The following SLIT3 variants were observed in gnomAD, a reference collection of about 807,000 sequenced individuals.
SLIT3 encodes the protein slit guidance ligand 3.
Under a neutral mutation model 184.0 loss-of-function variants are expected in SLIT3, and 68 were observed. The ratio of observed to expected loss-of-function variants is 0.37; its 90% CI spans 0.30 to 0.45. The LOEUF is 0.45. Ranked by LOEUF, SLIT3 falls within the 20% of genes least tolerant of loss-of-function variation. The pLI is 1.00. For missense variants in SLIT3, 1,707 were observed against 2,026.0 expected, an observed-to-expected ratio of 0.84 and a Z score of 3.02; for synonymous variants, 831 against 828.6, an observed-to-expected ratio of 1.00 and a Z score of -0.05.
chr5:169,141,029 A>G (rs1375258730), intron 4 of SLIT3, among the ~76,000 whole-genome samples: 1 of 152,212 alleles, frequency 6.6e-6, no homozygotes, highest in Non-Finnish European at 1.5e-5. Context: ...ACAATGCGAT[A>G]AACTCAACTT....
At chr5:168,685,505 C>T (rs116029971) in intron 31 of SLIT3, among the ~76,000 whole-genome samples, 182 bp downstream of exon 31, 101 of 152,326 alleles carry the variant, frequency 6.6e-4, no homozygotes, top group African/African-American at 2.4e-3. Flanking sequence ...CAGTTTGCAG[C>T]GAGAGCTGGT....
At position 168,762,626 on chromosome 5, in the gene SLIT3, T is replaced by A; in HGVS notation, c.1523A>T (p.Lys508Met). 1 of 1,614,080 alleles carries A rather than the reference T, an allele frequency of 6.2e-7. No homozygotes were observed. Among genetic ancestry groups the A allele is most frequent in the Non-Finnish European group, 8.5e-7 (1 of 1,180,002 alleles). The change falls in exon 15 of 36, where the codon AAG becomes ATG. Residue 508 changes from lysine to methionine, a missense_variant. Transcript: ENST00000519560. ...CACAATCGTGCCCTCACAGCGACAC[T>A]TCTCGGGGCACACGAGGTCCATGAA... is the stretch of plus-strand genomic sequence containing the variant. ...ECFMDLVCPE[K>M]CRCEGTIVDC...
intron 4 of SLIT3, among the ~76,000 whole-genome samples, chr5:168,968,749 T>G (rs1192167859): frequency 6.6e-6 from 1 of 152,186 alleles, no homozygotes; most frequent in Non-Finnish European, 1.5e-5. Flanking sequence ...CTGTAGGTCT[T>G]TGCCCTACTG....
chr5:168,904,883 C>A (rs1760993617), intron 4 of SLIT3, among the ~76,000 whole-genome samples: 1 of 152,134 alleles, frequency 6.6e-6, no homozygotes, highest in African/African-American at 2.4e-5. Flanking sequence ...ATGGTGATAT[C>A]CGGCTGGGTG....
intron 5 of SLIT3, among the ~76,000 whole-genome samples, chr5:168,874,119 T>C (rs1237711909): frequency 6.6e-6 from 1 of 152,128 alleles, no homozygotes; most frequent in Non-Finnish European, 1.5e-5. Context: ...TTAAACAACT[T>C]GCTTGCTGTA....
chr5:169,271,336 T>C (rs1012274955), intron 1 of SLIT3, among the ~76,000 whole-genome samples: 5 of 152,186 alleles, frequency 3.3e-5, no homozygotes, highest in African/African-American at 1.2e-4. Flanking sequence ...CGGCCCCTTC[T>C]CAGTCATCCT....
chr5:169,297,583 A>G (rs1180393279), intron 1 of SLIT3, among the ~76,000 whole-genome samples: 1 of 152,168 alleles, frequency 6.6e-6, no homozygotes, highest in Admixed American at 6.5e-5. Context: ...CACAATTTAA[A>G]CCTTTGAGAT....
At chr5:168,832,633 G>A (rs1757917841) in intron 6 of SLIT3, among the ~76,000 whole-genome samples, 1 of 152,154 alleles carries the variant, frequency 6.6e-6, no homozygotes, top group Non-Finnish European at 1.5e-5. Flanking sequence ...GAGCTGCGTG[G>A]GGACTGTCGT....
At chr5:168,991,904 G>C (rs1005288362) in intron 4 of SLIT3, among the ~76,000 whole-genome samples, 1 of 152,234 alleles carries the variant, frequency 6.6e-6, no homozygotes, top group Non-Finnish European at 1.5e-5. Context: ...GAGCTGGGGT[G>C]GGGGCAACGG....
intron 4 of SLIT3, among the ~76,000 whole-genome samples, chr5:169,000,876 G>A (rs906176439): frequency 2.6e-5 from 4 of 151,918 alleles, no homozygotes; most frequent in African/African-American, 7.3e-5. Flanking sequence ...TCTTTTTTGG[G>A]GTTTTCAGTT....
At chr5:168,920,769 T>C (rs1258897663) in intron 4 of SLIT3, among the ~76,000 whole-genome samples, 1 of 152,092 alleles carries the variant, frequency 6.6e-6, no homozygotes, top group East Asian at 1.9e-4. Flanking sequence ...TGCTTCTTTC[T>C]TTTTCTAGCT....
intron 4 of SLIT3, chr5:169,024,424 CG>C (rs1756731914): frequency 6.6e-6 from 1 of 152,240 alleles, no homozygotes; most frequent in Non-Finnish European, 1.5e-5. Context: ...AACTTTTCCA[CG>C]GGGGAGAGAG....
At chr5:169,237,923 T>C (rs1420390768) in intron 3 of SLIT3, among the ~76,000 whole-genome samples, 1 of 152,252 alleles carries the variant, frequency 6.6e-6, no homozygotes, top group Non-Finnish European at 1.5e-5. Flanking sequence ...GTAAGATTTG[T>C]ATCCAGATTC....
intron 20 of SLIT3, among the ~76,000 whole-genome samples, chr5:168,744,988 A>G (rs1763755155): frequency 6.6e-6 from 1 of 152,250 alleles, no homozygotes; most frequent in Non-Finnish European, 1.5e-5. Context: ...GATTTGGGCA[A>G]AGTAAACTGA....
At chr5:168,878,791 C>T (rs1028740743) in intron 5 of SLIT3, among the ~76,000 whole-genome samples, 1 of 151,482 alleles carries the variant, frequency 6.6e-6, no homozygotes, top group African/African-American at 2.4e-5. Context: ...CTTGGCTCAC[C>T]GCAACCTCTG....
chr5:169,145,139 G>A (rs145600324), intron 4 of SLIT3, among the ~76,000 whole-genome samples: 157 of 152,274 alleles, frequency 1.0e-3, no homozygotes, highest in African/African-American at 3.4e-3. Flanking sequence ...TGGAGGCATC[G>A]TCATTATGGT....
In SLIT3 at chr5:169,130,819, T is replaced by A. The variant is rs59389193; in HGVS notation, c.413+62660A>T. Among the ~76,000 whole-genome samples, 71 of 152,344 alleles carry A rather than the reference T, an allele frequency of 4.7e-4. 1 individual carries two copies. The East Asian group carries it at 0.013, about 29-fold the overall frequency. Reference sequence around the variant, plus strand: ...TACAAAGCAGTTAGTTAAACTAGACTGATCATGTGTCAGCATGAGGAGCTC... The same window carrying A: ...TACAAAGCAGTTAGTTAAACTAGACAGATCATGTGTCAGCATGAGGAGCTC... On this transcript the variant is annotated intron_variant, in intron 4 of 35. Coordinates refer to ENST00000519560, the MANE Select transcript of SLIT3 (RefSeq NM_003062.4).
chr5:168,671,849 C>G (rs1007922286), intron 33 of SLIT3, among the ~76,000 whole-genome samples: 4 of 152,158 alleles, frequency 2.6e-5, no homozygotes, highest in Admixed American at 6.5e-5. Context: ...ACCAAATAAC[C>G]TGCTGTCCCC....
At chr5:168,830,991 G>C (rs1757862270) in intron 6 of SLIT3, among the ~76,000 whole-genome samples, 1 of 152,064 alleles carries the variant, frequency 6.6e-6, no homozygotes, top group Non-Finnish European at 1.5e-5. Flanking sequence ...AACAGCACTA[G>C]ACAGCCCTCC....
Sources: allele counts gnomAD v4.1 joint callset (sites outside exome capture counted in the v4.1 genomes callset), GRCh38; gene constraint gnomAD v4.1.1; transcripts MANE v1.5; gene names NCBI Gene and HGNC (gene_info 2026-07-23, HGNC 2026-07-21).